The following PKHD1 variants were observed in gnomAD, a reference collection of about 807,000 sequenced individuals.
PKHD1 encodes the protein fibrocystin.
A neutral mutation model predicts 412.0 loss-of-function variants in PKHD1; 291 were observed. The observed-to-expected ratio is 0.71, with a 90% CI of 0.64 to 0.78. The LOEUF (loss-of-function observed/expected upper bound fraction) is 0.78. Ranked by LOEUF, PKHD1 falls within the 30% of genes least tolerant of loss-of-function variation. The probability of loss-of-function intolerance (pLI) is 0.00; values close to 1 mark genes in which losing one functional copy is unlikely to be tolerated. For synonymous variants in PKHD1, 1,777 were observed against 1,821.5 expected (o/e 0.98, Z 0.62); for missense variants, 4,825 against 4,950.7 (o/e 0.97, Z 0.76).
chr6:51,927,538 C>T (rs577384666), intron 37 of PKHD1, among the ~76,000 whole-genome samples: 1 of 152,168 alleles, frequency 6.6e-6, no homozygotes, highest in African/African-American at 2.4e-5. Context: ...TAACCCTGGC[C>T]TTTCCTCCCC....
At position 51,893,599 on chromosome 6, in the gene PKHD1, G is replaced by T. The variant is rs538918244; in HGVS notation, c.6997-6354C>A. Among the ~76,000 whole-genome samples, 309 of 152,324 alleles carry T rather than the reference G, an allele frequency of 2.0e-3. 1 individual carries two copies. The highest frequency in any genetic ancestry group is 7.0e-3 in the African/African-American group (292 of 41,568). ...TATTTATGCAGGCAGCTGGCAGCTT[G>T]CGGGGAAGGTTTAAGGCAAGCAGGG... On this transcript the variant is annotated intron_variant, in intron 43 of 66. Coordinates refer to ENST00000371117, the MANE Select transcript of PKHD1 (RefSeq NM_138694.4).
intron 35 of PKHD1, among the ~76,000 whole-genome samples, chr6:51,977,923 A>G (rs1165331294): frequency 2.6e-5 from 4 of 152,098 alleles, no homozygotes; most frequent in African/African-American, 2.4e-5. Context: ...ACTTAAAGAG[A>G]TCTTTCCCAA....
chr6:51,720,492 G>C (rs1781771904), intron 60 of PKHD1, among the ~76,000 whole-genome samples: 1 of 152,060 alleles, frequency 6.6e-6, no homozygotes, highest in Non-Finnish European at 1.5e-5. Context: ...TGCTCACTCA[G>C]CTGTGAGTGG....
In PKHD1 at chr6:51,747,529, A is replaced by T. The variant is rs1785358978; in HGVS notation, c.9829+258T>A. ...AGACCAGCCTGGTCAAGATAGCAAG[A>T]TCCCATCTCATTATATTCAAATTTT... On this transcript the variant is annotated intron_variant, in intron 58 of 66. Transcript: ENST00000371117. Among the ~76,000 whole-genome samples, 4 of 152,140 alleles carry T rather than the reference A, an allele frequency of 2.6e-5. No individual in the cohort carries two copies. In the South Asian group the frequency reaches 8.3e-4, roughly 32 times the overall value.
At chr6:51,785,418 G>C (rs1792702364) in intron 53 of PKHD1, among the ~76,000 whole-genome samples, 1 of 152,124 alleles carries the variant, frequency 6.6e-6, no homozygotes, top group Non-Finnish European at 1.5e-5. Flanking sequence ...AGTTGTTAAA[G>C]AATAGATAAA....
At chr6:51,904,546 C>A (rs565824339) in intron 41 of PKHD1, among the ~76,000 whole-genome samples, 2 of 152,230 alleles carry the variant, frequency 1.3e-5, no homozygotes, top group South Asian at 4.1e-4. Flanking sequence ...CCCAAAGAAC[C>A]CTTCATTACA....
chr6:51,825,169 T>A (rs973376293), intron 52 of PKHD1, among the ~76,000 whole-genome samples: 16 of 152,184 alleles, frequency 1.1e-4, no homozygotes, highest in Admixed American at 3.3e-4. Flanking sequence ...CATGCATATA[T>A]GCTTACACAC....
rs142853971 is a variant in PKHD1, at chr6:51,905,030, C to A, written c.6809-988G>T. Among the ~76,000 whole-genome samples, 378 of 152,312 alleles carry A rather than the reference C, an allele frequency of 2.5e-3. 3 individuals are homozygous for A. The highest frequency in any genetic ancestry group is 8.1e-3 in the African/African-American group (338 of 41,570). The stretch of plus-strand genomic sequence containing the variant: ...TTTTAAAGCAAATGTATCTGATTCA[C>A]ATTTTCTCACTAGACAGTTTCCATC... On this transcript the variant is annotated intron_variant, in intron 41 of 66. Coordinates refer to ENST00000371117, the MANE Select transcript of PKHD1 (RefSeq NM_138694.4).
intron 60 of PKHD1, among the ~76,000 whole-genome samples, chr6:51,701,269 T>C (rs1244694350): frequency 6.6e-6 from 1 of 152,136 alleles, no homozygotes; most frequent in East Asian, 1.9e-4. Flanking sequence ...TATTCGAAAT[T>C]ATTAAACTAG....
chr6:52,086,079 TACAC>T (rs542649138), intron 1 of PKHD1, among the ~76,000 whole-genome samples: 28 of 146,434 alleles, frequency 1.9e-4, no homozygotes, highest in African/African-American at 6.9e-4. Flanking sequence ...CATACCTACA[TACAC>T]ACACACACAT....
At chr6:52,022,523 T>C (rs1206245549) in intron 33 of PKHD1, among the ~76,000 whole-genome samples, 1 of 152,192 alleles carries the variant, frequency 6.6e-6, no homozygotes, top group African/African-American at 2.4e-5. Flanking sequence ...TTACTTCCTC[T>C]GTCATCCTAA....
chr6:51,814,953 A>G (rs1175003440), intron 52 of PKHD1, among the ~76,000 whole-genome samples: 1 of 152,198 alleles, frequency 6.6e-6, no homozygotes, highest in Non-Finnish European at 1.5e-5. Flanking sequence ...CTAATGTAGA[A>G]TGATTCCCAG....
chr6:51,923,612 G>C (rs886967453), intron 37 of PKHD1, among the ~76,000 whole-genome samples: 19 of 151,884 alleles, frequency 1.3e-4, no homozygotes, highest in African/African-American at 4.6e-4. Flanking sequence ...AAAATCAAAG[G>C]CAGAAACCAT....
rs776887466 is a variant in PKHD1 at position 51,746,751 on chromosome 6, T to A, written c.9968A>T (p.Asn3323Ile). ...RTRMLKIKDK[N>I]KFYFPSLQPR... ...TTGTAATGAAGGAAAGTAGAACTTGTTTTTATCTTTTATCTTTAGCATCCT... is the reference window on the plus strand; with the variant it reads ...TTGTAATGAAGGAAAGTAGAACTTGATTTTATCTTTTATCTTTAGCATCCT... Residue 3323 changes from asparagine (N) to isoleucine (I), a missense_variant, in exon 59 of 67, where the codon AAC becomes ATC. Asn to Ile is a moderately radical substitution (Grantham distance 149). Transcript: ENST00000371117. 5.6e-6 allele frequency: 9 copies of A among 1,609,676 alleles called. No individual in the cohort carries two copies. In the East Asian group the frequency reaches 1.8e-4, roughly 32 times the overall value.
intron 64 of PKHD1, among the ~76,000 whole-genome samples, chr6:51,635,859 G>T (rs1251474502): frequency 5.3e-5 from 6 of 112,502 alleles, no homozygotes; most frequent in Non-Finnish European, 1.0e-4. Flanking sequence ...TGGTGAAGGT[G>T]GGGGGGGGCG....
chr6:51,807,317 A>G (rs1763918768), intron 52 of PKHD1, among the ~76,000 whole-genome samples: 1 of 151,436 alleles, frequency 6.6e-6, no homozygotes, highest in South Asian at 2.1e-4. Context: ...TCATTCCTGT[A>G]ATCCCAGATA....
At chr6:52,078,870 T>A (rs115021704) in intron 5 of PKHD1, among the ~76,000 whole-genome samples, 2 of 152,214 alleles carry the variant, frequency 1.3e-5, no homozygotes, top group Non-Finnish European at 2.9e-5. Flanking sequence ...CTGCTGCATA[T>A]GTGCAAAAGC....
Position 52,046,139 on chromosome 6 carries a change from A to G in PKHD1, c.2457T>C (p.Asn819=), listed in dbSNP as rs1805781325. The G allele has an allele frequency of 1.2e-6, 2 of 1,613,772 alleles. No individual in the cohort carries two copies. The highest frequency in any genetic ancestry group is 4.5e-5 in the East Asian group (2 of 44,876). ...SAHHLHQLLQ[N]NADDFTSRYL... ...ACCTGGATGTGAAGTCATCGGCATT[A>G]TTCTGTAAGAGCTGGTGAAGGTGAT... is the stretch of plus-strand genomic sequence containing the variant. Residue 819 remains asparagine, a synonymous_variant, in exon 24 of 67, where the codon AAT becomes AAC. Coordinates refer to ENST00000371117, the MANE Select transcript of PKHD1 (RefSeq NM_138694.4).
chr6:51,690,487 AAGAGAGAACCC>A (rs1008884084), intron 60 of PKHD1, among the ~76,000 whole-genome samples: 97 of 152,232 alleles, frequency 6.4e-4, no homozygotes, highest in African/African-American at 2.3e-3. Context: ...AATGAAACAG[AAGAGAGAACCC>A]AGAAATAAGA....
Sources: allele counts gnomAD v4.1 joint callset (sites outside exome capture counted in the v4.1 genomes callset), GRCh38; gene constraint gnomAD v4.1.1; transcripts MANE v1.5; gene names NCBI Gene and HGNC (gene_info 2026-07-23, HGNC 2026-07-21).